LRRC1: variants seen among roughly 807,000 people sequenced by gnomAD.
LRRC1 encodes the protein leucine rich repeat containing 1.
In LRRC1, 28 loss-of-function variants were observed where a neutral mutation model predicts 69.9. The ratio of observed to expected loss-of-function variants is 0.40; its 90% confidence interval spans 0.30 to 0.55. The LOEUF (loss-of-function observed/expected upper bound fraction) is 0.55, where lower values mean the gene tolerates loss of function less well. Among genes scored for constraint, LRRC1 ranks in the 20% least tolerant of loss-of-function variants. The probability of loss-of-function intolerance (pLI) is 0.47; values close to 1 mark genes in which losing one functional copy is unlikely to be tolerated. For missense variants in LRRC1, 498 were observed against 609.0 expected (o/e 0.82, Z 1.92); for synonymous variants, 236 against 240.2 (o/e 0.98, Z 0.16).
chr6:53,897,734 G>C (rs1474898139), intron 7 of LRRC1, among the ~76,000 whole-genome samples: 1 of 152,118 alleles, frequency 6.6e-6, no homozygotes, highest in Non-Finnish European at 1.5e-5. Flanking sequence ...GGGATAATTT[G>C]ACCATGTTTT....
chr6:53,857,120 C>T (rs1259785349), intron 2 of LRRC1, among the ~76,000 whole-genome samples: 1 of 152,036 alleles, frequency 6.6e-6, no homozygotes, highest in African/African-American at 2.4e-5. Flanking sequence ...TTCTGAGGCT[C>T]AGGGGAGAAA....
At chr6:53,864,610 G>A (rs948746900) in intron 2 of LRRC1, among the ~76,000 whole-genome samples, 1 of 152,130 alleles carries the variant, frequency 6.6e-6, no homozygotes, top group African/African-American at 2.4e-5. Context: ...CTGTTAATGG[G>A]ACTCCTGCTA....
At chr6:53,921,353 A>G in intron 13 of LRRC1, among the ~76,000 whole-genome samples, 1 of 152,030 alleles carries the variant, frequency 6.6e-6, no homozygotes, top group African/African-American at 2.4e-5. Flanking sequence ...TGTTTTCTTA[A>G]CATGGAGAAA....
chr6:53,846,044 A>T (rs553101724), intron 2 of LRRC1, among the ~76,000 whole-genome samples: 2 of 152,196 alleles, frequency 1.3e-5, no homozygotes, highest in Admixed American at 1.3e-4. Context: ...CTAAAAGCAA[A>T]ACTAGACCTT....
At chr6:53,853,966 G>A (rs1483915322) in intron 2 of LRRC1, among the ~76,000 whole-genome samples, 2 of 152,184 alleles carry the variant, frequency 1.3e-5, no homozygotes, top group Non-Finnish European at 2.9e-5. Flanking sequence ...GTGCTGAGGA[G>A]AGGTGATACA....
At chr6:53,886,961 G>C (rs145474272) in intron 4 of LRRC1, among the ~76,000 whole-genome samples, 1 of 152,312 alleles carries the variant, frequency 6.6e-6, no homozygotes, top group East Asian at 1.9e-4. Flanking sequence ...CTTTGTGTCT[G>C]TACCTACCCT....
intron 4 of LRRC1, among the ~76,000 whole-genome samples, chr6:53,895,959 C>T (rs1222854256): frequency 2.6e-5 from 4 of 152,192 alleles, no homozygotes; most frequent in East Asian, 1.9e-4. Context: ...ACTTCCTTAG[C>T]GCAGCTGCCA....
intron 1 of LRRC1, among the ~76,000 whole-genome samples, chr6:53,797,094 C>T (rs1764323396): frequency 6.6e-6 from 1 of 151,880 alleles, no homozygotes; most frequent in African/African-American, 2.4e-5. Flanking sequence ...GCTTTTCACT[C>T]CCTTCTGCAG....
chr6:53,890,825 A>G (rs1247286885), intron 4 of LRRC1, among the ~76,000 whole-genome samples: 2 of 152,184 alleles, frequency 1.3e-5, no homozygotes, highest in African/African-American at 4.8e-5. Context: ...ATGTTGCCAT[A>G]AATAGTTGTT....
intron 1 of LRRC1, among the ~76,000 whole-genome samples, chr6:53,795,863 C>T (rs1764283710): frequency 6.6e-6 from 1 of 152,258 alleles, no homozygotes; most frequent in African/African-American, 2.4e-5. Context: ...AGGCATGTCC[C>T]GGAGGACCTT....
At chr6:53,869,962 A>G (rs1766828720) in intron 2 of LRRC1, among the ~76,000 whole-genome samples, 1 of 152,234 alleles carries the variant, frequency 6.6e-6, no homozygotes, top group Non-Finnish European at 1.5e-5. Context: ...TTTTTATTTT[A>G]CAGGCAAATA....
intron 8 of LRRC1, 105 bp downstream of exon 8, chr6:53,899,996 G>T: frequency 5.4e-6 from 4 of 746,302 alleles, no homozygotes; most frequent in South Asian, 2.3e-5. Flanking sequence ...TGCTGAGGAT[G>T]TGGCTCCTTA....
Position 53,923,085 on chromosome 6 carries a change from A to C in LRRC1, c.*292A>C. 4.2e-6 allele frequency: 1 copy of C among 240,486 alleles called. No homozygotes were observed. Among genetic ancestry groups the C allele is most frequent in the Admixed American group, 5.4e-5 (1 of 18,392 alleles). 14.9% of individuals were successfully genotyped at this position (240,486 alleles called of 1,614,324 possible). A position where few individuals can be genotyped will look rare whatever the true frequency, so the allele number is the denominator to read the frequency against. On this transcript the variant is annotated 3_prime_UTR_variant, in exon 14 of 14. Coordinates refer to ENST00000370888, the MANE Select transcript of LRRC1 (RefSeq NM_018214.5). ...TTTGTTTTTGTCTTATGTTGGGGTAAAGGAAAGCAGGAAGGGGAATTTTTA... is the reference window on the plus strand; with the variant it reads ...TTTGTTTTTGTCTTATGTTGGGGTACAGGAAAGCAGGAAGGGGAATTTTTA...
At chr6:53,847,495 G>A (rs1418382398) in intron 2 of LRRC1, among the ~76,000 whole-genome samples, 4 of 152,162 alleles carry the variant, frequency 2.6e-5, no homozygotes, top group Non-Finnish European at 5.9e-5. Context: ...CATGTCCAGA[G>A]ACTGCATACC....
chr6:53,798,563 T>C (rs1023278899), intron 1 of LRRC1, among the ~76,000 whole-genome samples: 3 of 152,082 alleles, frequency 2.0e-5, no homozygotes, highest in African/African-American at 7.2e-5. Context: ...GTATTTTTAG[T>C]AGAGACAGGG....
chr6:53,878,030 G>A (rs9382249), intron 2 of LRRC1, among the ~76,000 whole-genome samples: 87,037 of 152,054 alleles, frequency 0.57, 25,206 homozygotes, highest in African/African-American at 0.67. Context: ...TCACAATCAC[G>A]GTGGAAGGCA....
In LRRC1 at chr6:53,795,409, GC is replaced by G; in HGVS notation, c.156del (p.Glu53SerfsTer6). On this transcript the variant is annotated frameshift_variant, in exon 1 of 14. Transcript: ENST00000370888. LOFTEE classifies it high-confidence loss of function. ...TGGACGCCAACCAGCTCCGCGAGCT[GC>G]CCGAGGTAAGGGTCCGGCCTCACCT... ...LLDANQLREL[P>X]EQFFQLVKLR... The G allele has an allele frequency of 6.2e-7, 1 of 1,611,398 alleles. No individual in the cohort carries two copies. Among genetic ancestry groups the G allele is most frequent in the Non-Finnish European group, 8.5e-7 (1 of 1,179,638 alleles).
chr6:53,852,261 C>G (rs566884998), intron 2 of LRRC1, among the ~76,000 whole-genome samples: 1 of 152,322 alleles, frequency 6.6e-6, no homozygotes, highest in East Asian at 1.9e-4. Context: ...TAGTGCCTTT[C>G]ATAGAATGAA....
At chr6:53,804,576 T>C (rs1328428345) in intron 1 of LRRC1, among the ~76,000 whole-genome samples, 1 of 152,242 alleles carries the variant, frequency 6.6e-6, no homozygotes, top group East Asian at 1.9e-4. Flanking sequence ...AGAAGTATTA[T>C]AGCATTACTG....
Sources: gnomAD v4.1 joint callset for allele counts (sites outside exome capture counted in the v4.1 genomes callset) on GRCh38, gnomAD v4.1.1 for gene constraint, MANE v1.5 for transcripts, NCBI Gene and HGNC (gene_info 2026-07-23, HGNC 2026-07-21) for gene names.